Variants in STS observed in about 807,000 individuals in gnomAD.
STS encodes steroid sulfatase.
STS carries 7 observed loss-of-function variants against 26.8 expected under a neutral mutation model. That is an observed-to-expected ratio of 0.26 (90% CI 0.15 to 0.49). The LOEUF is 0.49. Among genes scored for constraint, STS ranks in the 20% least tolerant of loss-of-function variants. The pLI is 0.98. For synonymous variants in STS, 199 were observed against 189.4 expected, an observed-to-expected ratio of 1.05 and a Z score of -0.42; for missense variants, 434 against 465.6, an observed-to-expected ratio of 0.93 and a Z score of 0.63.
At chrX:7,263,614 A>G (rs1258823949) in intron 6 of STS, among the ~76,000 whole-genome samples, 2 of 112,257 alleles carry the variant, frequency 1.8e-5, no homozygotes, top group East Asian at 5.6e-4. Flanking sequence ...TTAATGATAC[A>G]TTTCTCAGAA....
intron 2 of STS, among the ~76,000 whole-genome samples, chrX:7,194,032 G>A (rs1933925970): frequency 8.9e-6 from 1 of 111,745 alleles, no homozygotes; most frequent in Non-Finnish European, 1.9e-5. Flanking sequence ...AGCCTCCTGA[G>A]TAGCTGGGAC....
At position 7,263,811 on chromosome X, in the gene STS, G is replaced by T. The variant is rs985714364; in HGVS notation, c.806+4039G>T. Among the ~76,000 whole-genome samples the T allele has an allele frequency of 1.5e-4, 14 of 93,684 alleles. 1 individual carries two copies. The highest frequency in any genetic ancestry group is 1.2e-4 in the Admixed American group (1 of 8,600). 81.4% of individuals were successfully genotyped at this position (93,684 alleles called of 115,157 possible). ...TAAATATGTGTGTGTATATATGTGT[G>T]TGTGTTTGTGTATATATATGTGTGT... On this transcript the variant is annotated intron_variant, in intron 6 of 10. Transcript: ENST00000674429.
intron 7 of STS, among the ~76,000 whole-genome samples, chrX:7,287,484 T>A (rs757877618): frequency 2.3e-4 from 25 of 110,800 alleles, no homozygotes; most frequent in African/African-American, 7.5e-4. Context: ...ATATCAAGAT[T>A]TGACTATTAA....
chrX:7,246,582 A>ATCCCAAAGGGCTG (rs1922893944), intron 2 of STS, among the ~76,000 whole-genome samples: 1 of 111,541 alleles, frequency 9.0e-6, no homozygotes, highest in South Asian at 3.8e-4. Flanking sequence ...CTGGGATTAC[A>ATCCCAAAGGGCTG]GGCGTGAGCC....
chrX:7,162,876 C>G, intron 1 of STS, among the ~76,000 whole-genome samples: 1 of 80,934 alleles, frequency 1.2e-5, no homozygotes, highest in Admixed American at 1.7e-4. Flanking sequence ...GAAACCCCGT[C>G]TATACTAAAA....
At chrX:7,196,762 T>C (rs1389286067) in intron 2 of STS, among the ~76,000 whole-genome samples, 1 of 112,065 alleles carries the variant, frequency 8.9e-6, no homozygotes, top group African/African-American at 3.2e-5. Context: ...ATCTGTATTT[T>C]GGACACCTTG....
intron 9 of STS, among the ~76,000 whole-genome samples, chrX:7,326,498 C>T (rs775217172): frequency 9.0e-6 from 1 of 111,703 alleles, no homozygotes. Flanking sequence ...ACTCAGCAGC[C>T]CTTTGCTGTA....
In STS at chrX:7,302,960, T is replaced by C. The variant is rs1926041566; in HGVS notation, c.944-2086T>C. Reference sequence around the variant, plus strand: ...TCCCATGTCTAGACCAGTGACAGCATGCACACACTAAGAGGATATGAAAAG... The same window carrying C: ...TCCCATGTCTAGACCAGTGACAGCACGCACACACTAAGAGGATATGAAAAG... On this transcript the variant is annotated intron_variant, in intron 7 of 10. Coordinates refer to ENST00000674429, the MANE Select transcript of STS (RefSeq NM_001320752.2). Among the ~76,000 whole-genome samples, 3 of 111,802 alleles carry C rather than the reference T, an allele frequency of 2.7e-5. No homozygotes were observed. The South Asian group carries it at 1.1e-3, about 42-fold the overall frequency.
chrX:7,332,533 C>T (rs1180661138), intron 9 of STS, among the ~76,000 whole-genome samples: 1 of 110,421 alleles, frequency 9.1e-6, no homozygotes, highest in Non-Finnish European at 1.9e-5. Flanking sequence ...AAGACATTCT[C>T]CCTGCTTGGG....
chrX:7,153,565 T>G (rs1301711957), intron 1 of STS, among the ~76,000 whole-genome samples: 2 of 102,083 alleles, frequency 2.0e-5, no homozygotes, highest in African/African-American at 7.2e-5. Flanking sequence ...TCTTCCTTCC[T>G]GTCCTCCTCC....
intron 2 of STS, among the ~76,000 whole-genome samples, chrX:7,238,121 GGTGTGT>G (rs55819541): frequency 0.35 from 30,766 of 88,080 alleles, 4,324 homozygotes; most frequent in Non-Finnish European, 0.39. Context: ...AGTATTCCAT[GGTGTGT>G]GTGTGTGTGT....
chrX:7,167,550 G>A (rs994954095), intron 1 of STS, among the ~76,000 whole-genome samples: 11 of 111,894 alleles, frequency 9.8e-5, no homozygotes, highest in African/African-American at 3.6e-4. Context: ...CTTCTTGTAG[G>A]ATGGAAGCTC....
At chrX:7,161,644 T>C (rs1000229125) in intron 1 of STS, among the ~76,000 whole-genome samples, 1 of 112,376 alleles carries the variant, frequency 8.9e-6, no homozygotes, top group African/African-American at 3.2e-5. Flanking sequence ...ACTTTACTTC[T>C]TATCAGAGTA....
rs6639824 is a variant in STS, at chrX:7,332,943, G to A, written c.1242-1043G>A. Among the ~76,000 whole-genome samples, 127 of 111,776 alleles carry A rather than the reference G, an allele frequency of 1.1e-3. 1 individual carries two copies. In the East Asian group the frequency reaches 0.027, roughly 24 times the overall value. ...CTGCAGAGTGCATGATTAATAACAA[G>A]GGTTGAGACCGGAGAAGTGCTAACA... On this transcript the variant is annotated intron_variant, in intron 9 of 10. Coordinates refer to ENST00000674429, the MANE Select transcript of STS (RefSeq NM_001320752.2).
chrX:7,312,224 T>C (rs759420039), intron 8 of STS, among the ~76,000 whole-genome samples: 2 of 111,938 alleles, frequency 1.8e-5, no homozygotes, highest in Non-Finnish European at 3.8e-5. Context: ...ATCTCATCTT[T>C]GGATGGATTT....
At chrX:7,241,407 C>G (rs1922612932) in intron 2 of STS, among the ~76,000 whole-genome samples, 1 of 111,412 alleles carries the variant, frequency 9.0e-6, no homozygotes, top group Admixed American at 9.6e-5. Context: ...TCTTTTTTAG[C>G]CATTTCCCTT....
chrX:7,176,436 T>C (rs1933571666), intron 1 of STS, among the ~76,000 whole-genome samples: 1 of 112,028 alleles, frequency 8.9e-6, no homozygotes, highest in South Asian at 3.8e-4. Context: ...GATCTGGAAA[T>C]TGATTTCCTT....
intron 2 of STS, 96 bp from the exon 3 acceptor site, chrX:7,253,100 A>G: frequency 9.6e-7 from 1 of 1,042,981 alleles, no homozygotes; most frequent in Non-Finnish European, 1.3e-6. Flanking sequence ...GCAGTGAGCT[A>G]AGATCCTACC....
rs1047661628 is a variant in STS at position 7,354,350 on chromosome X, C to T, written c.*4089C>T. 8.9e-6 allele frequency: 1 copy of T among 111,862 alleles called. No individual in the cohort carries two copies. Among genetic ancestry groups the T allele is most frequent in the Non-Finnish European group, 1.9e-5 (1 of 53,237 alleles). 9.2% of individuals were successfully genotyped at this position (111,862 alleles called of 1,213,427 possible). A position where few individuals can be genotyped will look rare whatever the true frequency, so the allele number is the denominator to read the frequency against. On this transcript the variant is annotated 3_prime_UTR_variant, in exon 11 of 11. Transcript: ENST00000674429. ...AGTCTCTCTCCCCTACTACAAGTCCCCATTGCTGTGGTCCCCGTACCTGTC... is the reference window on the plus strand; with the variant it reads ...AGTCTCTCTCCCCTACTACAAGTCCTCATTGCTGTGGTCCCCGTACCTGTC...
Sources: gnomAD v4.1 joint callset for allele counts (sites outside exome capture counted in the v4.1 genomes callset) on GRCh38, gnomAD v4.1.1 for gene constraint, MANE v1.5 for transcripts, NCBI Gene and HGNC (gene_info 2026-07-23, HGNC 2026-07-21) for gene names.